The following FNDC3B variants were observed in gnomAD, a reference collection of about 807,000 sequenced individuals.
FNDC3B encodes fibronectin type III domain-containing protein 3B.
A neutral mutation model predicts 151.5 loss-of-function variants in FNDC3B; 12 were observed. That is an observed-to-expected ratio of 0.08 (90% CI 0.05 to 0.13). The LOEUF (loss-of-function observed/expected upper bound fraction) is 0.13, where lower values mean the gene tolerates loss of function less well. Among genes scored for constraint, FNDC3B ranks in the 10% least tolerant of loss-of-function variants. The pLI, the probability that FNDC3B is intolerant of heterozygous loss-of-function variation, is 1.00. For missense variants in FNDC3B, 1,214 were observed against 1,505.3 expected, an observed-to-expected ratio of 0.81 and a Z score of 3.20; for synonymous variants, 528 against 549.0, an observed-to-expected ratio of 0.96 and a Z score of 0.54.
chr3:172,305,712 G>A (rs1254422042), intron 9 of FNDC3B, among the ~76,000 whole-genome samples: 1 of 152,162 alleles, frequency 6.6e-6, no homozygotes, highest in East Asian at 1.9e-4. Flanking sequence ...ATACACATGT[G>A]TCTTGGGTCA....
At chr3:172,064,986 TG>T (rs1370849515) in intron 1 of FNDC3B, among the ~76,000 whole-genome samples, 1 of 152,194 alleles carries the variant, frequency 6.6e-6, no homozygotes, top group Non-Finnish European at 1.5e-5. Context: ...TGTGACCCCA[TG>T]TTTATTGCAA....
chr3:172,165,138 G>A (rs1009961164), intron 3 of FNDC3B, among the ~76,000 whole-genome samples: 1 of 152,020 alleles, frequency 6.6e-6, no homozygotes, highest in Non-Finnish European at 1.5e-5. Context: ...CTCAGGCTCC[G>A]GAGTAGCTGG....
chr3:172,361,098 C>T (rs965319564), intron 22 of FNDC3B, among the ~76,000 whole-genome samples: 1 of 152,126 alleles, frequency 6.6e-6, no homozygotes, highest in Non-Finnish European at 1.5e-5. Flanking sequence ...TCCTAGGCCT[C>T]TGGAGGAGAG....
chr3:172,075,752 CACACACACACACACAA>C (rs1471924266), intron 1 of FNDC3B, among the ~76,000 whole-genome samples: 1 of 151,360 alleles, frequency 6.6e-6, no homozygotes, highest in East Asian at 1.9e-4. Context: ...CACACACACA[CACACACACACACACAA>C]ACATTTATAT....
chr3:172,381,084 G>T lies in FNDC3B; in HGVS notation c.3294G>T (p.Glu1098Asp). The T allele has an allele frequency of 6.2e-7, 1 of 1,613,380 alleles. No individual in the cohort carries two copies. The highest frequency in any genetic ancestry group is 8.5e-7 in the Non-Finnish European group (1 of 1,179,474). Residue 1098 changes from glutamate (E) to aspartate (D), a missense_variant, in exon 25 of 26, where the codon GAG (glutamate) becomes GAT (aspartate). Transcript: ENST00000415807. ...AGGTATTGGTTGGAAGAGAATCTGA[G>T]TACAAACAGGTAAGAACCAGTGTGC... is the stretch of plus-strand genomic sequence containing the variant. ...ILQVLVGRESEYKQVYKGEEA... is the reference protein window; with the variant it reads ...ILQVLVGRESDYKQVYKGEEA...
intron 6 of FNDC3B, among the ~76,000 whole-genome samples, chr3:172,280,225 ATTC>A (rs1729640003): frequency 6.6e-6 from 1 of 152,180 alleles, no homozygotes; most frequent in Non-Finnish European, 1.5e-5. Context: ...ATCAACACAC[ATTC>A]TTAATATTGT....
chr3:172,052,808 A>G (rs1479224363), intron 1 of FNDC3B, among the ~76,000 whole-genome samples: 1 of 152,204 alleles, frequency 6.6e-6, no homozygotes, highest in Non-Finnish European at 1.5e-5. Context: ...AAGGTTTTCA[A>G]TCTAATGGCT....
intron 5 of FNDC3B, among the ~76,000 whole-genome samples, chr3:172,248,577 C>T (rs751849355): frequency 5.3e-5 from 8 of 151,832 alleles, no homozygotes; most frequent in Non-Finnish European, 1.0e-4. Context: ...TGAATGGAAG[C>T]ATTTTACTGC....
intron 3 of FNDC3B, among the ~76,000 whole-genome samples, chr3:172,215,853 G>A (rs1180647661): frequency 6.6e-6 from 1 of 151,134 alleles, no homozygotes; most frequent in Non-Finnish European, 1.5e-5. Flanking sequence ...ATTTTACCTC[G>A]GGGCATTTAA....
rs1380993955 is a variant in FNDC3B, at chr3:172,380,207, T to C, written c.3176-759T>C. Among the ~76,000 whole-genome samples, 10 of 152,030 alleles carry C rather than the reference T, an allele frequency of 6.6e-5. No homozygotes were observed. The East Asian group carries it at 1.3e-3, about 20-fold the overall frequency. The stretch of plus-strand genomic sequence containing the variant: ...TATAAGGGGGTTCAGACAGGAGATA[T>C]ACATTCTAGTTACAAAATAGGAAAA... On this transcript the variant is annotated intron_variant, in intron 24 of 25. Transcript: ENST00000415807.
At chr3:172,118,044 A>G (rs1314351628) in intron 2 of FNDC3B, among the ~76,000 whole-genome samples, 1 of 152,172 alleles carries the variant, frequency 6.6e-6, no homozygotes, top group Non-Finnish European at 1.5e-5. Context: ...CATTTCATGG[A>G]GAGAGTTTTT....
At chr3:172,203,455 A>T (rs371356215) in intron 3 of FNDC3B, among the ~76,000 whole-genome samples, 63 of 152,360 alleles carry the variant, frequency 4.1e-4, no homozygotes, top group African/African-American at 1.4e-3. Flanking sequence ...TTGGTATAAC[A>T]GAACATCCTA....
At chr3:172,279,621 T>A (rs1446045451) in intron 6 of FNDC3B, among the ~76,000 whole-genome samples, 2 of 152,222 alleles carry the variant, frequency 1.3e-5, no homozygotes, top group African/African-American at 4.8e-5. Context: ...ATGATTGATA[T>A]CTCAAGATAT....
Position 172,382,909 on chromosome 3 carries a change from C to G in FNDC3B, c.3303+1816C>G, listed in dbSNP as rs533341194. Among the ~76,000 whole-genome samples, 5 of 152,262 alleles carry G rather than the reference C, an allele frequency of 3.3e-5. No individual in the cohort carries two copies. In the South Asian group the frequency reaches 1.0e-3, roughly 32 times the overall value. ...TTTGAAGTCAGGTAGCATGATGCCT[C>G]CAGCTTTGTTCTTTTTGCTTAGGAT... On this transcript the variant is annotated intron_variant, in intron 25 of 25. Transcript: ENST00000415807.
chr3:172,334,820 G>T, intron 14 of FNDC3B, 124 bp from the exon 15 acceptor site: 1 of 795,200 alleles, frequency 1.3e-6, no homozygotes, highest in Non-Finnish European at 2.0e-6. Flanking sequence ...TGAGTTGAAA[G>T]AGAAAAAAAT....
chr3:172,114,855 G>GA (rs1170694635), intron 2 of FNDC3B, among the ~76,000 whole-genome samples: 1 of 152,144 alleles, frequency 6.6e-6, no homozygotes, highest in African/African-American at 2.4e-5. Context: ...CAAGCTTTAT[G>GA]AAAAAGTGGG....
intron 1 of FNDC3B, among the ~76,000 whole-genome samples, chr3:172,093,344 C>T (rs7615330): frequency 0.049 from 7,343 of 151,346 alleles, 594 homozygotes; most frequent in African/African-American, 0.17. Context: ...CTGCAAGCTC[C>T]GCCTCCCGGG....
At chr3:172,089,475 T>A (rs138007842) in intron 1 of FNDC3B, among the ~76,000 whole-genome samples, 2 of 152,186 alleles carry the variant, frequency 1.3e-5, no homozygotes, top group Non-Finnish European at 2.9e-5. Context: ...AGATCAGTAC[T>A]GAGTCATCAG....
chr3:172,262,443 A>G (rs568014690), intron 6 of FNDC3B, among the ~76,000 whole-genome samples: 2 of 152,352 alleles, frequency 1.3e-5, no homozygotes, highest in Non-Finnish European at 2.9e-5. Context: ...CATTAATGTG[A>G]TAAACAAAAT....
Sources: allele counts gnomAD v4.1 joint callset (sites outside exome capture counted in the v4.1 genomes callset), GRCh38; gene constraint gnomAD v4.1.1; transcripts MANE v1.5; gene names NCBI Gene and HGNC (gene_info 2026-07-23, HGNC 2026-07-21).